The following ZNF521 variants were observed in gnomAD, a reference collection of about 807,000 sequenced individuals.
ZNF521 encodes zinc finger protein 521.
Under a neutral mutation model 105.5 loss-of-function variants are expected in ZNF521, and 14 were observed. That is an observed-to-expected ratio of 0.13 (90% CI 0.09 to 0.21). ZNF521 has a LOEUF of 0.21. Among genes scored for constraint, ZNF521 ranks in the 10% least tolerant of loss-of-function variants. The pLI is 1.00. For synonymous variants in ZNF521, 635 were observed against 606.0 expected, an observed-to-expected ratio of 1.05 and a Z score of -0.70; for missense variants, 1,233 against 1,629.7, an observed-to-expected ratio of 0.76 and a Z score of 4.19.
At chr18:25,219,798 T>C (rs984385409) in intron 4 of ZNF521, among the ~76,000 whole-genome samples, 3 of 152,260 alleles carry the variant, frequency 2.0e-5, no homozygotes, top group Non-Finnish European at 2.9e-5. Context: ...GCCTGAATGA[T>C]AGAGTGAGAC....
chr18:25,204,718 A>G (rs1036726125), intron 4 of ZNF521, among the ~76,000 whole-genome samples: 2 of 152,108 alleles, frequency 1.3e-5, no homozygotes, highest in Admixed American at 6.6e-5. Context: ...CAAGTTTCCC[A>G]TGGAGAGAGA....
chr18:25,103,501 A>G lies in ZNF521; in HGVS notation c.3659-11420T>C, dbSNP rs527662137. ...AACCGAGACTGCATGCATAACCCAA[A>G]GTGTGTGGCTTACTAGAAACATAAC... On this transcript the variant is annotated intron_variant, in intron 5 of 7. Coordinates refer to ENST00000361524, the MANE Select transcript of ZNF521 (RefSeq NM_015461.3). Among the ~76,000 whole-genome samples the G allele has an allele frequency of 3.3e-5, 5 of 152,292 alleles. No homozygotes were observed. The South Asian group carries it at 6.2e-4, about 19-fold the overall frequency.
chr18:25,254,551 C>T (rs1298603255), intron 3 of ZNF521, among the ~76,000 whole-genome samples: 1 of 152,062 alleles, frequency 6.6e-6, no homozygotes, highest in African/African-American at 2.4e-5. Flanking sequence ...TTTACAAAGT[C>T]CTTCTCCCTG....
At chr18:25,072,226 T>G (rs36019550) in intron 7 of ZNF521, among the ~76,000 whole-genome samples, 21,455 of 152,246 alleles carry the variant, frequency 0.14, 1,631 homozygotes, top group East Asian at 0.19. Context: ...CAAAGACTAA[T>G]TATTTAAATA....
At chr18:25,218,290 T>C (rs1788078073) in intron 4 of ZNF521, among the ~76,000 whole-genome samples, 1 of 151,880 alleles carries the variant, frequency 6.6e-6, no homozygotes, top group Admixed American at 6.6e-5. Context: ...ATGAAGCTGC[T>C]TCAGTTGCTC....
chr18:25,212,536 A>AAAAAAT (rs2036206667), intron 4 of ZNF521, among the ~76,000 whole-genome samples: 1 of 74,424 alleles, frequency 1.3e-5, no homozygotes, highest in Non-Finnish European at 2.3e-5. Flanking sequence ...AAAAAAAAAA[A>AAAAAAT]AAATATATAT....
chr18:25,237,755 C>T (rs1907013531), intron 3 of ZNF521, among the ~76,000 whole-genome samples: 1 of 152,204 alleles, frequency 6.6e-6, no homozygotes, highest in Admixed American at 6.5e-5. Context: ...CTTCCTCCCA[C>T]ATCTGAGCTC....
At chr18:25,085,651 A>ATGTG (rs1380400523) in intron 7 of ZNF521, among the ~76,000 whole-genome samples, 4 of 105,518 alleles carry the variant, frequency 3.8e-5, no homozygotes, top group South Asian at 3.9e-4. Flanking sequence ...CCCCATATAT[A>ATGTG]TATGTGTGTG....
chr18:25,284,254 CAAT>C (rs1026401519), intron 3 of ZNF521, among the ~76,000 whole-genome samples: 4 of 152,144 alleles, frequency 2.6e-5, no homozygotes, highest in East Asian at 1.9e-4. Context: ...TAAAATACAA[CAAT>C]GACACTCCCA....
chr18:25,301,891 A>G (rs943683632), intron 3 of ZNF521: 8 of 152,198 alleles, frequency 5.3e-5, no homozygotes, highest in African/African-American at 1.9e-4. Flanking sequence ...TTCCATCCAG[A>G]ATATGCTTTT....
At chr18:25,235,480 G>A (rs966502776) in intron 3 of ZNF521, among the ~76,000 whole-genome samples, 11 of 152,110 alleles carry the variant, frequency 7.2e-5, no homozygotes, top group African/African-American at 2.7e-4. Context: ...CCACGTTAAT[G>A]GTTTTGGAAG....
At chr18:25,338,137 G>T (rs1046560826) in intron 2 of ZNF521, among the ~76,000 whole-genome samples, 1 of 152,104 alleles carries the variant, frequency 6.6e-6, no homozygotes, top group South Asian at 2.1e-4. Flanking sequence ...GATATTTAAG[G>T]AACAGTTGGA....
chr18:25,334,465 A>C (rs1159256909), intron 2 of ZNF521, among the ~76,000 whole-genome samples: 1 of 152,106 alleles, frequency 6.6e-6, no homozygotes, highest in African/African-American at 2.4e-5. Flanking sequence ...TATGTGACTC[A>C]GTTTTCTCAC....
chr18:25,351,880 GGCGGCGGCAGCAGCGGCGGCA>G (rs1555669412), intron 1 of ZNF521, 104 bp downstream of exon 1: 5 of 271,510 alleles, frequency 1.8e-5, no homozygotes, highest in South Asian at 3.3e-5. Context: ...CCTCGGCAGC[GGCGGCGGCAGCAGCGGCGGCA>G]GCGGCGGCGG....
intron 5 of ZNF521, among the ~76,000 whole-genome samples, chr18:25,165,540 T>C (rs1184034157): frequency 6.6e-6 from 1 of 152,214 alleles, no homozygotes; most frequent in Non-Finnish European, 1.5e-5. Flanking sequence ...TCAGAGCACA[T>C]GCATGACTTT....
At chr18:25,215,386 G>C (rs2036262170) in intron 4 of ZNF521, among the ~76,000 whole-genome samples, 1 of 152,168 alleles carries the variant, frequency 6.6e-6, no homozygotes, top group African/African-American at 2.4e-5. Context: ...GTGGTAGGTA[G>C]AGCAACACCG....
rs1227568202 is a variant in ZNF521, at chr18:25,212,565, A to ATATATGTGTG, written c.3573+11779_3573+11780insCACACATATA. Among the ~76,000 whole-genome samples, 426 of 112,762 alleles carry ATATATGTGTG rather than the reference A, an allele frequency of 3.8e-3. 4 individuals carry two copies. The highest frequency in any genetic ancestry group is 0.015 in the African/African-American group (418 of 27,666). The allele number at this position is 112,762 out of a possible 152,430, so 74.0% of individuals were successfully genotyped here. The stretch of plus-strand genomic sequence containing the variant: ...TATATATATATATATATATATATAT[A>ATATATGTGTG]TGTATAGAAACATATATTTTAAAAC... On this transcript the variant is annotated intron_variant, in intron 4 of 7. Transcript: ENST00000361524.
intron 4 of ZNF521, among the ~76,000 whole-genome samples, chr18:25,203,219 C>T (rs909259906): frequency 2.0e-5 from 3 of 152,116 alleles, no homozygotes; most frequent in African/African-American, 7.2e-5. Context: ...CAGAACATGT[C>T]AGAGAGTGAC....
At chr18:25,342,314 C>G (rs1914241544) in intron 2 of ZNF521, among the ~76,000 whole-genome samples, 1 of 152,202 alleles carries the variant, frequency 6.6e-6, no homozygotes, top group South Asian at 2.1e-4. Flanking sequence ...CTCCATACAT[C>G]AGCATTCAAG....
Sources: gnomAD v4.1 joint callset for allele counts (sites outside exome capture counted in the v4.1 genomes callset) on GRCh38, gnomAD v4.1.1 for gene constraint, MANE v1.5 for transcripts, NCBI Gene and HGNC (gene_info 2026-07-23, HGNC 2026-07-21) for gene names.